TMTC1: variants seen among roughly 807,000 people sequenced by gnomAD.
TMTC1 encodes protein O-mannosyl-transferase TMTC1.
TMTC1 carries 73 observed loss-of-function variants against 104.8 expected under a neutral mutation model. The observed-to-expected ratio is 0.70, with a 90% CI of 0.58 to 0.85. TMTC1 has a LOEUF of 0.85. TMTC1 is among the 40% of genes least tolerant of loss of function. TMTC1 has a pLI of 0.00. For synonymous variants in TMTC1, 434 were observed against 428.7 expected (o/e 1.01, Z -0.15); for missense variants, 1,035 against 1,096.1 (o/e 0.94, Z 0.79).
At chr12:29,751,641 G>T in intron 5 of TMTC1, 25 bp downstream of exon 5, 4 of 1,613,394 alleles carry the variant, frequency 2.5e-6, no homozygotes, top group Non-Finnish European at 3.4e-6. Flanking sequence ...AAAACATGCA[G>T]GGACCAAGAA....
chr12:29,587,531 G>A (rs1361607082), intron 7 of TMTC1, among the ~76,000 whole-genome samples: 2 of 151,876 alleles, frequency 1.3e-5, no homozygotes, highest in Non-Finnish European at 2.9e-5. Context: ...ATGGGGTTTC[G>A]CTATGTTGCC....
chr12:29,767,875 C>T (rs756603033), intron 2 of TMTC1, 23 bp downstream of exon 2: 37 of 1,610,002 alleles, frequency 2.3e-5, no homozygotes, highest in Non-Finnish European at 3.1e-5. Flanking sequence ...TTCGTTATTT[C>T]ACTGAGATCC....
At chr12:29,606,897 C>T (rs1946714258) in intron 6 of TMTC1, among the ~76,000 whole-genome samples, 1 of 151,908 alleles carries the variant, frequency 6.6e-6, no homozygotes, top group South Asian at 2.1e-4. Flanking sequence ...CTGGCTCTGT[C>T]ACCCAGGCTG....
chr12:29,566,410 G>A (rs1945517472), intron 9 of TMTC1, among the ~76,000 whole-genome samples: 1 of 152,172 alleles, frequency 6.6e-6, no homozygotes, highest in Non-Finnish European at 1.5e-5. Context: ...CCCCGTAAGT[G>A]AGGTGGGGTG....
chr12:29,728,856 G>C (rs2136909702), intron 5 of TMTC1, among the ~76,000 whole-genome samples: 1 of 151,774 alleles, frequency 6.6e-6, no homozygotes, highest in South Asian at 2.1e-4. Flanking sequence ...AAATTACCTG[G>C]GTGTGGGGGC....
intron 5 of TMTC1, among the ~76,000 whole-genome samples, chr12:29,710,903 TTAATAATATATAA>T (rs1309094857): frequency 8.3e-6 from 1 of 121,174 alleles, no homozygotes; most frequent in Admixed American, 9.6e-5. Context: ...TATAAATATA[TTAATAATATATAA>T]ATATATATAA....
At chr12:29,612,015 T>C (rs779570460) in intron 6 of TMTC1, among the ~76,000 whole-genome samples, 101 of 152,322 alleles carry the variant, frequency 6.6e-4, no homozygotes, top group Admixed American at 1.0e-3. Context: ...GAGACTTCTC[T>C]TAGTTGATCC....
chr12:29,744,611 T>G (rs765086739), intron 5 of TMTC1, among the ~76,000 whole-genome samples: 3 of 152,244 alleles, frequency 2.0e-5, no homozygotes, highest in Non-Finnish European at 2.9e-5. Context: ...AGGTACTTCC[T>G]GCTTTACCAC....
At chr12:29,536,077 A>G in intron 11 of TMTC1, 132 bp downstream of exon 11, 1 of 669,922 alleles carries the variant, frequency 1.5e-6, no homozygotes, top group African/African-American at 1.8e-5. Flanking sequence ...ATTTCTGTCC[A>G]AAAGAAACTG....
chr12:29,668,056 T>TAA (rs1940351392), intron 5 of TMTC1, among the ~76,000 whole-genome samples: 1 of 152,254 alleles, frequency 6.6e-6, no homozygotes, highest in Admixed American at 6.5e-5. Context: ...AGAGCTGGTT[T>TAA]ATTCAGCATG....
At chr12:29,510,517 G>C (rs367640514) in intron 17 of TMTC1, among the ~76,000 whole-genome samples, 1 of 152,136 alleles carries the variant, frequency 6.6e-6, no homozygotes, top group African/African-American at 2.4e-5. Flanking sequence ...ATTAAGATCA[G>C]AGCTTGGGCA....
intron 5 of TMTC1, among the ~76,000 whole-genome samples, chr12:29,702,847 A>G (rs1331351598): frequency 6.6e-6 from 1 of 152,186 alleles, no homozygotes; most frequent in Non-Finnish European, 1.5e-5. Context: ...TCTAATTTAT[A>G]AAAAATACAA....
chr12:29,664,193 A>T (rs985034039), intron 5 of TMTC1, among the ~76,000 whole-genome samples: 82 of 150,834 alleles, frequency 5.4e-4, no homozygotes, highest in African/African-American at 1.9e-3. Flanking sequence ...TCTCAAAAAA[A>T]TAAAAATAAA....
chr12:29,657,026 T>C (rs897987840), intron 5 of TMTC1, among the ~76,000 whole-genome samples: 1 of 152,178 alleles, frequency 6.6e-6, no homozygotes, highest in African/African-American at 2.4e-5. Context: ...AATAAAATAA[T>C]TGGTTGGTGA....
intron 5 of TMTC1, among the ~76,000 whole-genome samples, chr12:29,659,124 A>G (rs568189688): frequency 6.6e-6 from 1 of 152,334 alleles, no homozygotes; most frequent in Non-Finnish European, 1.5e-5. Context: ...ATTTTATCTT[A>G]CAAATGGTTA....
chr12:29,755,619 A>T, intron 4 of TMTC1, 90 bp downstream of exon 4: 1 of 1,136,584 alleles, frequency 8.8e-7, no homozygotes, highest in Non-Finnish European at 1.3e-6. Flanking sequence ...ATAAAGTGTT[A>T]TATTTTTTAA....
intron 10 of TMTC1, among the ~76,000 whole-genome samples, chr12:29,541,268 C>G (rs1052529174): frequency 6.6e-6 from 1 of 152,146 alleles, no homozygotes; most frequent in African/African-American, 2.4e-5. Context: ...CCTTACCAAG[C>G]ACACTGCTAA....
chr12:29,590,798 C>CA (rs1477962096), intron 7 of TMTC1, among the ~76,000 whole-genome samples: 3 of 151,882 alleles, frequency 2.0e-5, no homozygotes, highest in Non-Finnish European at 4.4e-5. Context: ...CAAAACAAAA[C>CA]AAAAAAACAA....
intron 11 of TMTC1, among the ~76,000 whole-genome samples, chr12:29,523,688 G>A (rs1026658678): frequency 2.0e-5 from 3 of 152,172 alleles, no homozygotes; most frequent in Admixed American, 1.3e-4. Flanking sequence ...AGAACAGTGA[G>A]CTTTGTAAGA....
Sources: gnomAD v4.1 joint callset for allele counts (sites outside exome capture counted in the v4.1 genomes callset) on GRCh38, gnomAD v4.1.1 for gene constraint, MANE v1.5 for transcripts, NCBI Gene and HGNC (gene_info 2026-07-23, HGNC 2026-07-21) for gene names.